The following EP400 variants were observed in gnomAD, a reference collection of about 807,000 sequenced individuals.
EP400 encodes E1A-binding protein p400.
Under a neutral mutation model 354.1 loss-of-function variants are expected in EP400, and 105 were observed. The ratio of observed to expected loss-of-function variants is 0.30; its 90% CI spans 0.25 to 0.35. The LOEUF (loss-of-function observed/expected upper bound fraction) is 0.35, where lower values mean the gene tolerates loss of function less well. Ranked by LOEUF, EP400 falls within the 10% of genes least tolerant of loss-of-function variation. EP400 has a pLI of 1.00. For synonymous variants in EP400, 1,646 were observed against 1,716.9 expected, an observed-to-expected ratio of 0.96 and a Z score of 1.02; for missense variants, 3,280 against 4,121.0, an observed-to-expected ratio of 0.80 and a Z score of 5.59.
chr12:131,953,130 C>T (rs1176414463), intron 1 of EP400, among the ~76,000 whole-genome samples: 5 of 152,244 alleles, frequency 3.3e-5, no homozygotes, highest in African/African-American at 4.8e-5. Flanking sequence ...TGTGGCCTCC[C>T]GAAGATCCCA....
At chr12:131,991,507 C>A in intron 10 of EP400, 51 bp downstream of exon 10, 1 of 1,535,706 alleles carries the variant, frequency 6.5e-7, no homozygotes, top group Non-Finnish European at 9.0e-7. Context: ...GAAGCAGCTC[C>A]AGTAGAGTGG....
In EP400 at chr12:132,043,375, C is replaced by G; in HGVS notation, c.6279C>G (p.His2093Gln). The G allele has an allele frequency of 1.2e-6, 2 of 1,614,036 alleles. No individual in the cohort carries two copies. Among genetic ancestry groups the G allele is most frequent in the Non-Finnish European group, 1.7e-6 (2 of 1,180,036 alleles). ...KSAQEGVLGPHTDALSSDSEN... is the reference protein window; with the variant it reads ...KSAQEGVLGPQTDALSSDSEN... ...CACAGGAGGGGGTGCTGGGACCACA[C>G]ACTGATGCTCTGTCATCAGACTCTG... Residue 2093 changes from histidine (H) to glutamine (Q), a missense_variant, in exon 33 of 53, where the codon CAC (histidine) becomes CAG (glutamine). Physicochemically the swap from His to Gln is conservative, Grantham distance 24. Transcript: ENST00000389561.
At chr12:132,063,741 G>T (rs1438723285) in intron 47 of EP400, among the ~76,000 whole-genome samples, 1 of 152,130 alleles carries the variant, frequency 6.6e-6, no homozygotes, top group East Asian at 1.9e-4. Flanking sequence ...CGGGAGGGCT[G>T]TCGGTGGAAT....
At chr12:131,975,346 G>A (rs575055113) in intron 2 of EP400, among the ~76,000 whole-genome samples, 27 of 152,278 alleles carry the variant, frequency 1.8e-4, no homozygotes, top group African/African-American at 5.8e-4. Flanking sequence ...GTTCCCCATT[G>A]GATTGCCTTA....
intron 45 of EP400, among the ~76,000 whole-genome samples, chr12:132,059,055 G>A (rs1229074268): frequency 6.7e-6 from 1 of 150,234 alleles, no homozygotes; most frequent in Non-Finnish European, 1.5e-5. Flanking sequence ...AAAGCTTCAA[G>A]GAATTGACAA....
intron 15 of EP400, among the ~76,000 whole-genome samples, 188 bp downstream of exon 15, chr12:132,007,065 A>T (rs1012567487): frequency 6.6e-6 from 1 of 152,234 alleles, no homozygotes; most frequent in Admixed American, 6.5e-5. Context: ...CACAGTTAAC[A>T]TCCAGTAACA....
At position 131,953,426 on chromosome 12, in the gene EP400, A is replaced by G. The variant is rs377196868; in HGVS notation, c.-36+3390A>G. ...TGGTTCATAAGGTTAAGGACCCACT[A>G]CTACCTCCATGATTTAAAATCCTTG... is the stretch of plus-strand genomic sequence containing the variant. On this transcript the variant is annotated intron_variant, in intron 1 of 52. Coordinates refer to ENST00000389561, the MANE Select transcript of EP400 (RefSeq NM_015409.5). 3.0e-4 allele frequency among the ~76,000 whole-genome samples: 45 copies of G among 152,308 alleles called. 1 individual carries two copies. The South Asian group carries it at 9.1e-3, about 31-fold the overall frequency.
intron 30 of EP400, among the ~76,000 whole-genome samples, chr12:132,033,657 A>G (rs568784189): frequency 6.6e-6 from 1 of 151,310 alleles, no homozygotes; most frequent in Non-Finnish European, 1.5e-5. Flanking sequence ...TCAGCCTCCC[A>G]AGTGGCTGGG....
At chr12:132,009,211 C>T (rs535074379) in intron 15 of EP400, among the ~76,000 whole-genome samples, 1 of 151,970 alleles carries the variant, frequency 6.6e-6, no homozygotes, top group South Asian at 2.1e-4. Flanking sequence ...GGATTACAGG[C>T]ATGAGCCATC....
chr12:132,041,558 G>A (rs1009233682), intron 32 of EP400, among the ~76,000 whole-genome samples: 4 of 152,344 alleles, frequency 2.6e-5, no homozygotes, highest in Non-Finnish European at 2.9e-5. Context: ...ATATACCGCC[G>A]TTTATCAGAT....
intron 1 of EP400, among the ~76,000 whole-genome samples, chr12:131,953,976 G>A (rs372321392): frequency 1.6e-4 from 24 of 152,074 alleles, no homozygotes; most frequent in African/African-American, 5.3e-4. Flanking sequence ...AGCCGGTTGT[G>A]GTGGCTCACA....
rs545797433 is a variant in EP400, at chr12:131,960,890, C to G, written c.271C>G (p.Leu91Val). The change falls in exon 2 of 53, where the codon CTG (leucine) becomes GTG (valine). Residue 91 changes from leucine to valine, a missense_variant. By Grantham distance (32) the Leu-to-Val change is conservative (BLOSUM62 1). Coordinates refer to ENST00000389561, the MANE Select transcript of EP400 (RefSeq NM_015409.5). ...PVVGGNQQIT[L>V]APLPLPSPTS... ...CGTCGGGGGAAACCAGCAGATCACA[C>G]TGGCCCCACTGCCGCTCCCCAGCCC... The G allele has an allele frequency of 2.6e-5, 42 of 1,614,060 alleles. No homozygotes were observed. The South Asian group carries it at 4.4e-4, about 17-fold the overall frequency.
chr12:132,020,951 A>C, intron 22 of EP400, 128 bp from the exon 23 acceptor site: 2 of 1,297,638 alleles, frequency 1.5e-6, no homozygotes, highest in Non-Finnish European at 2.0e-6. Flanking sequence ...TTTTTTCCTT[A>C]AGAGGGGACT....
At chr12:132,053,007 T>G in intron 41 of EP400, 139 bp from the exon 42 acceptor site, 1 of 825,334 alleles carries the variant, frequency 1.2e-6, no homozygotes, top group Admixed American at 2.0e-5. Context: ...GCAGGGCACA[T>G]TGGGCACCTT....
chr12:131,987,764 G>T lies in EP400; in HGVS notation c.2283G>T (p.Arg761Ser). The T allele has an allele frequency of 6.2e-7, 1 of 1,612,150 alleles. No individual in the cohort carries two copies. The highest frequency in any genetic ancestry group is 1.3e-5 in the African/African-American group (1 of 74,984). ...GGAAAGCAGGTCTGTGGTCCCAGAG[G>T]CGTCTGCCAAAGCTGCAGGAGGCCC... ...ELRKAGLWSQ[R>S]RLPKLQEAPR... Residue 761 changes from arginine to serine, a missense_variant, in exon 7 of 53, where the codon AGG (arginine) becomes AGT (serine). Physicochemically the swap from Arg to Ser is moderately radical, Grantham distance 110 (BLOSUM62 -1). Coordinates refer to ENST00000389561, the MANE Select transcript of EP400 (RefSeq NM_015409.5).
intron 30 of EP400, among the ~76,000 whole-genome samples, chr12:132,034,444 C>CATGGGTGTGAAGGTTCT (rs565300651): frequency 1.3e-5 from 2 of 152,206 alleles, no homozygotes; most frequent in Admixed American, 1.3e-4. Context: ...AAACGCTCCT[C>CATGGGTGTGAAGGTTCT]ATGGGTGTGA....
In EP400 at chr12:132,026,606, C is replaced by T. The variant is rs117328629; in HGVS notation, c.5014+802C>T. On this transcript the variant is annotated intron_variant, in intron 25 of 52. Transcript: ENST00000389561. ...TTTTGCCGCTACCCCCAGAACCAGG[C>T]ATCTTGGGGATTCCAGAACCAGCTG... Among the ~76,000 whole-genome samples the T allele has an allele frequency of 8.5e-4, 129 of 152,298 alleles. No individual in the cohort carries two copies. The East Asian group carries it at 0.013, about 15-fold the overall frequency.
rs748812054 is a variant in EP400, at chr12:132,013,191, C to T, written c.3611+13C>T. The T allele has an allele frequency of 2.6e-5, 42 of 1,597,844 alleles. No individual in the cohort carries two copies. Among genetic ancestry groups the T allele is most frequent in the South Asian group, 1.4e-4 (13 of 89,964 alleles). Reference sequence around the variant, plus strand: ...TCACCCTGCAGAGGTCTGTGTGTTACGCGCTTGTCATTGAGTGTTCTTTGC... The same window carrying T: ...TCACCCTGCAGAGGTCTGTGTGTTATGCGCTTGTCATTGAGTGTTCTTTGC... On this transcript the variant is annotated intron_variant, in intron 17 of 52. Transcript: ENST00000389561. This position sits in a 1 kb window ranked among gnomAD's most constrained non-coding sequence, Gnocchi z 4.5.
In EP400 at chr12:132,044,982, TG is replaced by T. The variant is rs572836472; in HGVS notation, c.6784+36del. ...CGCATCCCGAGGGCGTCACATGACC[TG>T]GGGGGGCCCTGGCCTGCAGAATCCC... On this transcript the variant is annotated intron_variant, in intron 37 of 52. Coordinates refer to ENST00000389561, the MANE Select transcript of EP400 (RefSeq NM_015409.5). 1.8e-5 allele frequency: 29 copies of T among 1,611,208 alleles called. 1 individual carries two copies. The highest frequency in any genetic ancestry group is 1.7e-4 in the Middle Eastern group (1 of 6,054).
Sources: allele counts gnomAD v4.1 joint callset (sites outside exome capture counted in the v4.1 genomes callset), GRCh38; gene constraint gnomAD v4.1.1; non-coding constraint Gnocchi (gnomAD v3.1); transcripts MANE v1.5; gene names NCBI Gene and HGNC (gene_info 2026-07-23, HGNC 2026-07-21).